The following GABRB2 variants were observed in gnomAD, a reference collection of about 807,000 sequenced individuals.
GABRB2 encodes the protein gamma-aminobutyric acid receptor subunit beta-2.
GABRB2 carries 16 observed loss-of-function variants against 54.7 expected under a neutral mutation model. That is an observed-to-expected ratio of 0.29 (90% CI 0.20 to 0.44). The LOEUF (loss-of-function observed/expected upper bound fraction) is 0.44. Ranked by LOEUF, GABRB2 falls within the 20% of genes least tolerant of loss-of-function variation. The pLI is 1.00. For missense variants in GABRB2, 355 were observed against 644.0 expected (o/e 0.55, Z 4.86); for synonymous variants, 244 against 233.8 (o/e 1.04, Z -0.40).
intron 5 of GABRB2, among the ~76,000 whole-genome samples, chr5:161,396,351 C>T (rs915800388): frequency 3.3e-5 from 5 of 152,152 alleles, no homozygotes; most frequent in Non-Finnish European, 7.4e-5. Flanking sequence ...TCATTCAACT[C>T]CTATTTGGCA....
At chr5:161,510,607 A>G (rs1477930433) in intron 3 of GABRB2, among the ~76,000 whole-genome samples, 2 of 151,898 alleles carry the variant, frequency 1.3e-5, no homozygotes, top group Admixed American at 6.6e-5. Flanking sequence ...GGTTTTCACT[A>G]TGGCCTTGAG....
At chr5:161,324,376 C>T (rs986090468) in intron 9 of GABRB2, among the ~76,000 whole-genome samples, 1 of 152,132 alleles carries the variant, frequency 6.6e-6, no homozygotes, top group East Asian at 1.9e-4. Context: ...GAAAGACACA[C>T]AATCCCTGGC....
chr5:161,353,805 C>G (rs1182377668), intron 5 of GABRB2, among the ~76,000 whole-genome samples: 1 of 151,920 alleles, frequency 6.6e-6, no homozygotes, highest in Non-Finnish European at 1.5e-5. Flanking sequence ...TTAAAGCAAA[C>G]TAGCTACAGT....
chr5:161,395,401 T>C (rs1755963999), intron 5 of GABRB2, among the ~76,000 whole-genome samples: 1 of 152,136 alleles, frequency 6.6e-6, no homozygotes, highest in Non-Finnish European at 1.5e-5. Flanking sequence ...CAACTATTCA[T>C]CTATCCATTC....
intron 3 of GABRB2, among the ~76,000 whole-genome samples, chr5:161,464,367 C>G (rs1262586853): frequency 6.6e-6 from 1 of 151,774 alleles, no homozygotes; most frequent in Non-Finnish European, 1.5e-5. Context: ...TTATGGAAAA[C>G]AAATTAAAAA....
chr5:161,492,122 T>C (rs1447864294), intron 3 of GABRB2, among the ~76,000 whole-genome samples: 2 of 151,696 alleles, frequency 1.3e-5, no homozygotes, highest in Non-Finnish European at 3.0e-5. Flanking sequence ...AACTTATGCC[T>C]TTACTGTAAG....
At chr5:161,480,037 C>T (rs1229230710) in intron 3 of GABRB2, among the ~76,000 whole-genome samples, 2 of 152,060 alleles carry the variant, frequency 1.3e-5, no homozygotes, top group African/African-American at 4.8e-5. Context: ...GGCCACTACA[C>T]TTTTTCCTCA....
intron 4 of GABRB2, among the ~76,000 whole-genome samples, chr5:161,416,892 C>T (rs1283061121): frequency 1.3e-5 from 2 of 151,628 alleles, no homozygotes; most frequent in Non-Finnish European, 2.9e-5. Flanking sequence ...GAAAAATTAA[C>T]ATGTTAAAAA....
intron 4 of GABRB2, among the ~76,000 whole-genome samples, chr5:161,433,386 G>C (rs1757222415): frequency 6.6e-6 from 1 of 150,820 alleles, no homozygotes; most frequent in South Asian, 2.1e-4. Context: ...GCCTGCTTGA[G>C]CCCAGGAGTT....
At chr5:161,514,156 T>C (rs1473891593) in intron 3 of GABRB2, among the ~76,000 whole-genome samples, 1 of 152,144 alleles carries the variant, frequency 6.6e-6, no homozygotes, top group Non-Finnish European at 1.5e-5. Context: ...CTGACACTTT[T>C]GCTTAAATGG....
chr5:161,308,908 C>T (rs1440774487), intron 9 of GABRB2, among the ~76,000 whole-genome samples: 4 of 151,968 alleles, frequency 2.6e-5, no homozygotes, highest in Non-Finnish European at 5.9e-5. Flanking sequence ...TGATAAAAAC[C>T]CAGAAAACAA....
chr5:161,374,808 T>C (rs771564426), intron 5 of GABRB2, among the ~76,000 whole-genome samples: 8 of 152,186 alleles, frequency 5.3e-5, no homozygotes, highest in African/African-American at 7.2e-5. Flanking sequence ...CACCACATTA[T>C]ATATTTATTA....
intron 3 of GABRB2, among the ~76,000 whole-genome samples, chr5:161,508,533 C>A (rs970822253): frequency 6.6e-6 from 1 of 151,808 alleles, no homozygotes; most frequent in East Asian, 1.9e-4. Context: ...TTGTCTCCCA[C>A]GATGATGTTC....
At chr5:161,435,439 A>G (rs1332233091) in intron 4 of GABRB2, among the ~76,000 whole-genome samples, 1 of 152,198 alleles carries the variant, frequency 6.6e-6, no homozygotes, top group Non-Finnish European at 1.5e-5. Flanking sequence ...TTATTCAAAG[A>G]ATATAGAAGG....
intron 9 of GABRB2, among the ~76,000 whole-genome samples, chr5:161,317,807 G>A (rs1032915352): frequency 6.6e-6 from 1 of 152,028 alleles, no homozygotes; most frequent in Non-Finnish European, 1.5e-5. Flanking sequence ...AAATGGGTAA[G>A]AATAAGAATA....
chr5:161,534,196 C>T (rs931816829), intron 3 of GABRB2, among the ~76,000 whole-genome samples: 2 of 152,122 alleles, frequency 1.3e-5, no homozygotes, highest in Non-Finnish European at 2.9e-5. Context: ...TTTTTGAAGA[C>T]ATTTTTGGTT....
chr5:161,382,865 C>A (rs985803171), intron 5 of GABRB2, among the ~76,000 whole-genome samples: 1 of 152,182 alleles, frequency 6.6e-6, no homozygotes, highest in African/African-American at 2.4e-5. Flanking sequence ...TCCGTGGCTA[C>A]TCAGAGCTGT....
In GABRB2 at chr5:161,294,167, T is replaced by C; in HGVS notation, c.1453A>G (p.Asn485Asp). ...ATGCGGGACCACCGATCTATGGCATTCACATCAGTCAAGTCAGGGATGGTG... is the reference window on the plus strand; with the variant it reads ...ATGCGGGACCACCGATCTATGGCATCCACATCAGTCAAGTCAGGGATGGTG... ...KITIPDLTDV[N>D]AIDRWSRIFF... Residue 485 changes from asparagine to aspartate, a missense_variant, in exon 10 of 10, where the codon AAT (asparagine) becomes GAT (aspartate). By Grantham distance (23) the Asn-to-Asp change is conservative. Coordinates refer to ENST00000393959, the MANE Select transcript of GABRB2 (RefSeq NM_001371727.1). 6.2e-7 allele frequency: 1 copy of C among 1,614,120 alleles called. No homozygotes were observed. The highest frequency in any genetic ancestry group is 8.5e-7 in the Non-Finnish European group (1 of 1,179,998).
chr5:161,494,490 A>G (rs538277829), intron 3 of GABRB2, among the ~76,000 whole-genome samples: 1 of 151,462 alleles, frequency 6.6e-6, no homozygotes, highest in Non-Finnish European at 1.5e-5. Context: ...AAACACATTT[A>G]CACTCACAAT....
Sources: gnomAD v4.1 joint callset for allele counts (sites outside exome capture counted in the v4.1 genomes callset) on GRCh38, gnomAD v4.1.1 for gene constraint, MANE v1.5 for transcripts, NCBI Gene and HGNC (gene_info 2026-07-23, HGNC 2026-07-21) for gene names.